The following GRM7 variants were observed in gnomAD, a reference collection of about 807,000 sequenced individuals.
The protein encoded by GRM7 is glutamate metabotropic receptor 7, also known as metabotropic glutamate receptor 7.
Under a neutral mutation model 84.5 loss-of-function variants are expected in GRM7, and 35 were observed. That is an observed-to-expected ratio of 0.41 (90% confidence interval 0.32 to 0.55). GRM7 has a LOEUF of 0.55. GRM7 is among the 20% of genes least tolerant of loss of function. The pLI is 0.19. For missense variants in GRM7, 1,003 were observed against 1,194.6 expected (o/e 0.84, Z 2.36); for synonymous variants, 487 against 455.1 (o/e 1.07, Z -0.89).
chr3:7,456,379 C>G (rs986698945), intron 6 of GRM7, among the ~76,000 whole-genome samples: 27 of 151,468 alleles, frequency 1.8e-4, no homozygotes, highest in Admixed American at 1.6e-3. Flanking sequence ...CCAGAAACTG[C>G]TAAACATTTT....
At chr3:7,152,811 A>G (rs1023013158) in intron 2 of GRM7, among the ~76,000 whole-genome samples, 4 of 152,166 alleles carry the variant, frequency 2.6e-5, no homozygotes, top group African/African-American at 9.7e-5. Context: ...GTAAGTTCTG[A>G]TGAAAGAAAA....
chr3:7,339,293 G>A (rs1158370732), intron 4 of GRM7, among the ~76,000 whole-genome samples: 2 of 152,064 alleles, frequency 1.3e-5, no homozygotes, highest in South Asian at 2.1e-4. Flanking sequence ...AAGACAGTAG[G>A]TGCCAGCTCT....
At chr3:6,934,814 G>A (rs1697631534) in intron 1 of GRM7, among the ~76,000 whole-genome samples, 1 of 152,046 alleles carries the variant, frequency 6.6e-6, no homozygotes, top group Non-Finnish European at 1.5e-5. Flanking sequence ...TTTTGAGAAG[G>A]ACTCCTAGAT....
At chr3:7,023,449 C>T (rs1372793072) in intron 1 of GRM7, among the ~76,000 whole-genome samples, 1 of 152,078 alleles carries the variant, frequency 6.6e-6, no homozygotes, top group Non-Finnish European at 1.5e-5. Flanking sequence ...TCAGCATGCC[C>T]AGGTGCCTTG....
At chr3:6,956,460 CA>C in intron 1 of GRM7, 1 of 436,450 alleles carries the variant, frequency 2.3e-6, no homozygotes, top group South Asian at 1.6e-5. Flanking sequence ...CAAACGCCGG[CA>C]CCATGTTTTT....
chr3:7,628,322 T>C (rs1294758759), intron 8 of GRM7, among the ~76,000 whole-genome samples: 1 of 152,136 alleles, frequency 6.6e-6, no homozygotes, highest in Non-Finnish European at 1.5e-5. Flanking sequence ...CAGCCTTCAT[T>C]ATATTTCACA....
intron 1 of GRM7, among the ~76,000 whole-genome samples, chr3:7,090,986 C>T (rs114012711): frequency 0.027 from 4,121 of 152,130 alleles, 80 homozygotes; most frequent in Non-Finnish European, 0.045. Context: ...CTGTGATGAA[C>T]ATTAAAAATT....
intron 4 of GRM7, among the ~76,000 whole-genome samples, chr3:7,310,174 TC>T (rs1331622996): frequency 6.6e-6 from 1 of 152,134 alleles, no homozygotes; most frequent in Admixed American, 6.5e-5. Flanking sequence ...TTTCATCTCT[TC>T]CATACTCATT....
chr3:7,679,925 A>G lies in GRM7; in HGVS notation c.2452-124A>G, dbSNP rs930798653. On this transcript the variant is annotated intron_variant, in intron 8 of 9. Coordinates refer to ENST00000357716, the MANE Select transcript of GRM7 (RefSeq NM_000844.4). ...AGAGTTATTGTGCTTTCCTTTATTT[A>G]TCAAAATGCCCTGAAGATTGCTTTA... 7.3e-6 allele frequency: 6 copies of G among 819,470 alleles called. No individual in the cohort carries two copies. The African/African-American group carries it at 1.0e-4, about 14-fold the overall frequency. The allele number at this position is 819,470 out of a possible 1,614,324, so 50.8% of individuals were successfully genotyped here.
intron 2 of GRM7, among the ~76,000 whole-genome samples, chr3:7,264,532 C>T (rs140652785): frequency 8.8e-6 from 1 of 113,094 alleles, no homozygotes; most frequent in African/African-American, 3.7e-5. Context: ...GAATAAGTCC[C>T]CATACATGGT....
At chr3:7,672,601 C>CT (rs773468950) in intron 8 of GRM7, among the ~76,000 whole-genome samples, 2,113 of 116,968 alleles carry the variant, frequency 0.018, 76 homozygotes, top group African/African-American at 0.044. Flanking sequence ...TTTTAATATA[C>CT]TTTTTTTTTT....
intron 4 of GRM7, among the ~76,000 whole-genome samples, chr3:7,411,182 G>C (rs1695921206): frequency 2.0e-5 from 3 of 152,154 alleles, no homozygotes. Flanking sequence ...CCTGTCAAGA[G>C]ATCCCTAAAT....
intron 1 of GRM7, among the ~76,000 whole-genome samples, chr3:7,073,371 C>G (rs1697952407): frequency 6.6e-6 from 1 of 152,002 alleles, no homozygotes; most frequent in African/African-American, 2.4e-5. Flanking sequence ...TCACATACTC[C>G]CTGAAATCCT....
chr3:7,240,227 A>G (rs1697507234), intron 2 of GRM7, among the ~76,000 whole-genome samples: 1 of 150,176 alleles, frequency 6.7e-6, no homozygotes, highest in Admixed American at 6.7e-5. Context: ...TGAAACACAC[A>G]GTGCAGTGGT....
intron 1 of GRM7, among the ~76,000 whole-genome samples, chr3:6,973,430 C>T (rs572340295): frequency 6.6e-6 from 1 of 152,224 alleles, no homozygotes; most frequent in African/African-American, 2.4e-5. Context: ...TACATATACA[C>T]ACATACAAAC....
intron 4 of GRM7, among the ~76,000 whole-genome samples, chr3:7,384,987 T>C (rs112430819): frequency 0.016 from 2,389 of 152,320 alleles, 40 homozygotes; most frequent in Middle Eastern, 0.048. Context: ...TTACTTTCCT[T>C]TGTAAACTGC....
intron 8 of GRM7, among the ~76,000 whole-genome samples, chr3:7,621,189 G>A (rs886770923): frequency 6.6e-6 from 1 of 152,056 alleles, no homozygotes; most frequent in Non-Finnish European, 1.5e-5. Flanking sequence ...TCCTTATAAT[G>A]ACATTTGTTT....
At chr3:7,232,963 C>T (rs1697241268) in intron 2 of GRM7, among the ~76,000 whole-genome samples, 1 of 152,110 alleles carries the variant, frequency 6.6e-6, no homozygotes, top group South Asian at 2.1e-4. Flanking sequence ...GAAGGGAACA[C>T]TTAGTTAATA....
At chr3:7,609,502 G>T (rs1178853727) in intron 8 of GRM7, among the ~76,000 whole-genome samples, 1 of 152,176 alleles carries the variant, frequency 6.6e-6, no homozygotes, top group African/African-American at 2.4e-5. Context: ...AACTTGCAGA[G>T]CTCGTGGAAC....
Sources: allele counts gnomAD v4.1 joint callset (sites outside exome capture counted in the v4.1 genomes callset), GRCh38; gene constraint gnomAD v4.1.1; transcripts MANE v1.5; gene names NCBI Gene and HGNC (gene_info 2026-07-23, HGNC 2026-07-21).